The following CTNND2 variants were observed in gnomAD, a reference collection of about 807,000 sequenced individuals.
The protein encoded by CTNND2 is catenin delta 2, also known as catenin delta-2.
In CTNND2, 22 loss-of-function variants were observed where a neutral mutation model predicts 144.4. The observed-to-expected ratio is 0.15, with a 90% CI of 0.11 to 0.22. The LOEUF (loss-of-function observed/expected upper bound fraction) is 0.22. Among genes scored for constraint, CTNND2 ranks in the 10% least tolerant of loss-of-function variants. The pLI, the probability that CTNND2 is intolerant of heterozygous loss-of-function variation, is 1.00. For synonymous variants in CTNND2, 751 were observed against 695.6 expected (o/e 1.08, Z -1.25); for missense variants, 1,353 against 1,618.8 (o/e 0.84, Z 2.82).
intron 9 of CTNND2, among the ~76,000 whole-genome samples, chr5:11,317,963 C>A (rs1288506576): frequency 6.6e-6 from 1 of 152,112 alleles, no homozygotes; most frequent in Non-Finnish European, 1.5e-5. Flanking sequence ...TGTAGTGGAG[C>A]CCCTGCCATG....
intron 2 of CTNND2, among the ~76,000 whole-genome samples, chr5:11,663,446 A>G (rs1220812071): frequency 6.6e-6 from 1 of 152,204 alleles, no homozygotes; most frequent in Non-Finnish European, 1.5e-5. Context: ...AGTAGAACAG[A>G]GATATTCCTG....
intron 1 of CTNND2, among the ~76,000 whole-genome samples, chr5:11,847,655 A>G: frequency 6.6e-6 from 1 of 152,122 alleles, no homozygotes; most frequent in East Asian, 1.9e-4. Context: ...AGAAGTGATA[A>G]ATGTAAAAGT....
chr5:11,080,422 C>T (rs1474921565), intron 16 of CTNND2, among the ~76,000 whole-genome samples: 2 of 152,130 alleles, frequency 1.3e-5, no homozygotes, highest in African/African-American at 4.8e-5. Context: ...ATAGGTTCTA[C>T]AAAAAGCTAA....
chr5:11,370,173 GTT>G (rs77463818), intron 7 of CTNND2, among the ~76,000 whole-genome samples: 12 of 137,398 alleles, frequency 8.7e-5, no homozygotes, highest in Non-Finnish European at 9.6e-5. Context: ...AACTACTTGG[GTT>G]TTTTTTTTTT....
chr5:11,110,812 AT>A, intron 14 of CTNND2, 45 bp downstream of exon 14: 10 of 1,567,966 alleles, frequency 6.4e-6, no homozygotes, highest in Non-Finnish European at 8.7e-6. Flanking sequence ...TACAGTTGCA[AT>A]TAGGAAGGGG....
At chr5:11,443,403 TGG>T (rs1209725278) in intron 3 of CTNND2, among the ~76,000 whole-genome samples, 2 of 52,376 alleles carry the variant, frequency 3.8e-5, no homozygotes, top group African/African-American at 1.6e-4. Flanking sequence ...GGTGTGTGTG[TGG>T]GGGGGGTGTG....
At chr5:11,775,054 G>C (rs764339359) in intron 1 of CTNND2, among the ~76,000 whole-genome samples, 3 of 151,782 alleles carry the variant, frequency 2.0e-5, no homozygotes, top group African/African-American at 7.3e-5. Flanking sequence ...AGAGCTGGGC[G>C]GGGGGGCGGT....
chr5:11,596,539 A>T (rs532349285), intron 2 of CTNND2, among the ~76,000 whole-genome samples: 120 of 152,346 alleles, frequency 7.9e-4, no homozygotes, highest in African/African-American at 2.7e-3. Flanking sequence ...TTGCAAAGAG[A>T]AATAAAACAA....
chr5:11,383,144 C>A (rs914263285), intron 7 of CTNND2, among the ~76,000 whole-genome samples: 1 of 152,052 alleles, frequency 6.6e-6, no homozygotes, highest in Non-Finnish European at 1.5e-5. Context: ...GGAGAAAGAA[C>A]TGGAAGCTAA....
chr5:11,188,596 A>C (rs530280746), intron 11 of CTNND2, among the ~76,000 whole-genome samples: 1 of 152,322 alleles, frequency 6.6e-6, no homozygotes, highest in Admixed American at 6.5e-5. Context: ...CTGTACACGT[A>C]CCCTGGAACT....
chr5:11,409,757 T>C (rs1561350788), intron 5 of CTNND2, among the ~76,000 whole-genome samples: 1 of 152,086 alleles, frequency 6.6e-6, no homozygotes, highest in Non-Finnish European at 1.5e-5. Context: ...AGGCACTACT[T>C]TGACCATTCC....
chr5:11,652,245 C>T lies in CTNND2; in HGVS notation c.174+79891G>A, dbSNP rs144874825. On this transcript the variant is annotated intron_variant, in intron 2 of 21. Coordinates refer to ENST00000304623, the MANE Select transcript of CTNND2 (RefSeq NM_001332.4). The stretch of plus-strand genomic sequence containing the variant: ...TGTTTAAAAGCGTGTAGCACCTCCC[C>T]GTTTGCTTTCTTCCTCCTCCTACGG... Among the ~76,000 whole-genome samples, 745 of 152,244 alleles carry T rather than the reference C, an allele frequency of 4.9e-3. 11 individuals are homozygous for T. The highest frequency in any genetic ancestry group is 0.016 in the African/African-American group (676 of 41,532).
chr5:11,880,514 T>TACC (rs1553989073), intron 1 of CTNND2, among the ~76,000 whole-genome samples: 18 of 72,046 alleles, frequency 2.5e-4, no homozygotes, highest in Admixed American at 9.3e-4. Context: ...CTACTACTAC[T>TACC]ACCACTACTA....
At chr5:11,164,668 C>A (rs1170288246) in intron 11 of CTNND2, among the ~76,000 whole-genome samples, 1 of 152,178 alleles carries the variant, frequency 6.6e-6, no homozygotes, top group Non-Finnish European at 1.5e-5. Flanking sequence ...CTGCCTCATT[C>A]TGGAACATTG....
chr5:11,809,405 G>C (rs755071330), intron 1 of CTNND2, among the ~76,000 whole-genome samples: 1 of 152,110 alleles, frequency 6.6e-6, no homozygotes, highest in East Asian at 1.9e-4. Flanking sequence ...TCTTTACTTA[G>C]AATATCTACC....
At chr5:11,434,585 G>A (rs1057316136) in intron 3 of CTNND2, among the ~76,000 whole-genome samples, 4 of 152,148 alleles carry the variant, frequency 2.6e-5, no homozygotes, top group Non-Finnish European at 4.4e-5. Flanking sequence ...GTGTACTGAT[G>A]CCTGTGACTT....
chr5:11,770,459 G>GGAAGGAAGGAAGGAAGGAAGGAAGGAAC, intron 1 of CTNND2, among the ~76,000 whole-genome samples: 2 of 140,458 alleles, frequency 1.4e-5, no homozygotes, highest in African/African-American at 6.1e-5. Flanking sequence ...AAGGAAGGAA[G>GGAAGGAAGGAAGGAAGGAAGGAAGGAAC]GAAGGGGTAG....
At chr5:11,251,040 G>T (rs1004631691) in intron 9 of CTNND2, among the ~76,000 whole-genome samples, 5 of 152,136 alleles carry the variant, frequency 3.3e-5, no homozygotes, top group African/African-American at 1.2e-4. Flanking sequence ...GGAAAAAAAA[G>T]AACTTGGGTC....
chr5:11,337,368 A>G (rs1753832282), intron 9 of CTNND2, among the ~76,000 whole-genome samples: 1 of 152,094 alleles, frequency 6.6e-6, no homozygotes, highest in Admixed American at 6.5e-5. Context: ...TGTGCTCTTA[A>G]ACATTCTGAC....
Sources: gnomAD v4.1 joint callset for allele counts (sites outside exome capture counted in the v4.1 genomes callset) on GRCh38, gnomAD v4.1.1 for gene constraint, MANE v1.5 for transcripts, NCBI Gene and HGNC (gene_info 2026-07-23, HGNC 2026-07-21) for gene names.